Variants in CEP57L1 observed in about 807,000 individuals in gnomAD.
The protein encoded by CEP57L1 is centrosomal protein 57 like 1.
CEP57L1 carries 37 observed loss-of-function variants against 61.0 expected under a neutral mutation model. The observed-to-expected ratio is 0.61, with a 90% CI of 0.47 to 0.80. The LOEUF is 0.80. Among genes scored for constraint, CEP57L1 ranks in the 30% least tolerant of loss-of-function variants. The pLI is 0.00. For missense variants in CEP57L1, 422 were observed against 524.7 expected, an observed-to-expected ratio of 0.80 and a Z score of 1.91; for synonymous variants, 137 against 162.3, an observed-to-expected ratio of 0.84 and a Z score of 1.19.
At chr6:109,150,291 G>T (rs1415051700) in intron 4 of CEP57L1, 52 bp downstream of exon 4, 2 of 1,561,242 alleles carry the variant, frequency 1.3e-6, no homozygotes, top group Admixed American at 1.8e-5. Flanking sequence ...TGTTTTTGAA[G>T]AATATTTTAA....
chr6:109,120,689 A>G (rs1772848268), intron 1 of CEP57L1, among the ~76,000 whole-genome samples: 1 of 151,978 alleles, frequency 6.6e-6, no homozygotes, highest in African/African-American at 2.4e-5. Flanking sequence ...ATACTAACAT[A>G]TCATCCCAAG....
At chr6:109,127,826 C>T (rs1175049116) in intron 1 of CEP57L1, among the ~76,000 whole-genome samples, 3 of 151,498 alleles carry the variant, frequency 2.0e-5, no homozygotes, top group African/African-American at 7.3e-5. Flanking sequence ...GACGAGGTTT[C>T]ACCATGTTGG....
chr6:109,099,967 G>T lies in CEP57L1; in HGVS notation c.-4+4392G>T, dbSNP rs76372323. On this transcript the variant is annotated intron_variant, in intron 1 of 10. Transcript: ENST00000517392. ...TTAACTCCTCTTCTTGCAGGTCTTTGCTCAAATAATCATTTTCTCAGAGGT... is the reference window on the plus strand; with the variant it reads ...TTAACTCCTCTTCTTGCAGGTCTTTTCTCAAATAATCATTTTCTCAGAGGT... Among the ~76,000 whole-genome samples, 1,261 of 152,276 alleles carry T rather than the reference G, an allele frequency of 8.3e-3. 24 individuals carry two copies. Among genetic ancestry groups the T allele is most frequent in the African/African-American group, 0.029 (1,213 of 41,556 alleles).
In CEP57L1 at chr6:109,163,227, A is replaced by G. The variant is rs2114972597; in HGVS notation, c.*257A>G. 1 of 314,164 alleles carries G rather than the reference A, an allele frequency of 3.2e-6. No individual in the cohort carries two copies. The highest frequency in any genetic ancestry group is 6.7e-5 in the East Asian group (1 of 14,988). The allele number at this position is 314,164 out of a possible 1,614,324, so 19.5% of individuals were successfully genotyped here. Reference sequence around the variant, plus strand: ...CTTAGAAACATTGTTGGCTTTGCAGATATCTTAAGCTAAATTTAAGAAATT... The same window carrying G: ...CTTAGAAACATTGTTGGCTTTGCAGGTATCTTAAGCTAAATTTAAGAAATT... On this transcript the variant is annotated 3_prime_UTR_variant, in exon 11 of 11. Coordinates refer to ENST00000517392, the MANE Select transcript of CEP57L1 (RefSeq NM_001271852.3).
intron 1 of CEP57L1, among the ~76,000 whole-genome samples, chr6:109,113,056 G>A (rs1010470771): frequency 6.6e-6 from 1 of 152,094 alleles, no homozygotes; most frequent in Admixed American, 6.6e-5. Flanking sequence ...TTCAAGTCCT[G>A]AATATCCTTG....
Position 109,152,880 on chromosome 6 carries a change from G to A in CEP57L1, c.463-953G>A, listed in dbSNP as rs192095765. 4.5e-4 allele frequency among the ~76,000 whole-genome samples: 68 copies of A among 152,040 alleles called. No individual in the cohort carries two copies. The Middle Eastern group carries it at 0.01, about 23-fold the overall frequency. Reference sequence around the variant, plus strand: ...TCCCAGCACTTTGGGAGGCCAAGGCGGGCAGATGACTTGAGGTCAGGAGTT... The same window carrying A: ...TCCCAGCACTTTGGGAGGCCAAGGCAGGCAGATGACTTGAGGTCAGGAGTT... On this transcript the variant is annotated intron_variant, in intron 4 of 10. Transcript: ENST00000517392.
intron 1 of CEP57L1, among the ~76,000 whole-genome samples, chr6:109,141,761 A>G (rs2114838921): frequency 6.6e-6 from 1 of 152,224 alleles, no homozygotes; most frequent in Middle Eastern, 3.4e-3. Context: ...ACTATACATT[A>G]AAAAATAAAA....
intron 1 of CEP57L1, among the ~76,000 whole-genome samples, chr6:109,111,925 C>A (rs1771681903): frequency 6.6e-6 from 1 of 152,178 alleles, no homozygotes; most frequent in Admixed American, 6.5e-5. Flanking sequence ...ATTCAGCTTG[C>A]CAGCATTTTA....
rs1051860212 is a variant in CEP57L1, at chr6:109,163,633, A to G, written c.*663A>G. 1.3e-5 allele frequency: 2 copies of G among 152,102 alleles called. No individual in the cohort carries two copies. The highest frequency in any genetic ancestry group is 2.9e-5 in the Non-Finnish European group (2 of 68,004). The allele number at this position is 152,102 out of a possible 1,614,324, so 9.4% of individuals were successfully genotyped here. A position where few individuals can be genotyped will look rare whatever the true frequency, so the allele number is the denominator to read the frequency against. On this transcript the variant is annotated 3_prime_UTR_variant, in exon 11 of 11. Coordinates refer to ENST00000517392, the MANE Select transcript of CEP57L1 (RefSeq NM_001271852.3). Reference sequence around the variant, plus strand: ...AAAAATCAATGATCAATTTTATCTTACTACTTTATAACTTTTGCTGACTTT... The same window carrying G: ...AAAAATCAATGATCAATTTTATCTTGCTACTTTATAACTTTTGCTGACTTT...
chr6:109,143,594 A>G (rs1359108683), intron 1 of CEP57L1, among the ~76,000 whole-genome samples: 1 of 152,086 alleles, frequency 6.6e-6, no homozygotes, highest in Non-Finnish European at 1.5e-5. Flanking sequence ...TAATTTAAAT[A>G]AACTGTAGTC....
At chr6:109,152,647 G>A (rs1414132488) in intron 4 of CEP57L1, among the ~76,000 whole-genome samples, 5 of 70,882 alleles carry the variant, frequency 7.1e-5, no homozygotes, top group African/African-American at 2.3e-4. Context: ...GTGTGTGTGT[G>A]TGTGTGTGTG....
At position 109,153,108 on chromosome 6, in the gene CEP57L1, C is replaced by CA. The variant is rs1172045072; in HGVS notation, c.463-713dup. ...CCTGGGCAACAGCAAGACTCTGTCT[C>CA]AAAAAAAAAAAAGAAAAGAAAAGAA... is the stretch of plus-strand genomic sequence containing the variant. On this transcript the variant is annotated intron_variant, in intron 4 of 10. Coordinates refer to ENST00000517392, the MANE Select transcript of CEP57L1 (RefSeq NM_001271852.3). 8.9e-3 allele frequency among the ~76,000 whole-genome samples: 814 copies of CA among 91,262 alleles called. 10 individuals carry two copies. Among genetic ancestry groups the CA allele is most frequent in the African/African-American group, 0.022 (494 of 22,412 alleles). The allele number at this position is 91,262 out of a possible 152,430, so 59.9% of individuals were successfully genotyped here.
At chr6:109,112,209 T>C (rs1437683470) in intron 1 of CEP57L1, among the ~76,000 whole-genome samples, 1 of 152,222 alleles carries the variant, frequency 6.6e-6, no homozygotes, top group Non-Finnish European at 1.5e-5. Context: ...GAACCTGTTA[T>C]TGGTCTATTC....
rs139080004 is a variant in CEP57L1 at position 109,127,198 on chromosome 6, C to G, written c.-3-18021C>G. 2.1e-3 allele frequency among the ~76,000 whole-genome samples: 313 copies of G among 152,148 alleles called. 3 individuals are homozygous for G. The highest frequency in any genetic ancestry group is 7.1e-3 in the African/African-American group (294 of 41,550). ...CAAAACAAAAAAAACCAAAAACTGGCTGTTCTACTCATGTAATAATGTATT... is the reference window on the plus strand; with the variant it reads ...CAAAACAAAAAAAACCAAAAACTGGGTGTTCTACTCATGTAATAATGTATT... On this transcript the variant is annotated intron_variant, in intron 1 of 10. Transcript: ENST00000517392.
At chr6:109,111,497 A>G (rs1167547738) in intron 1 of CEP57L1, among the ~76,000 whole-genome samples, 1 of 152,114 alleles carries the variant, frequency 6.6e-6, no homozygotes, top group Non-Finnish European at 1.5e-5. Context: ...CTCTTTTCCT[A>G]CTTGAATACC....
At chr6:109,125,559 CTT>C (rs1773465906) in intron 1 of CEP57L1, among the ~76,000 whole-genome samples, 1 of 145,144 alleles carries the variant, frequency 6.9e-6, no homozygotes, top group Non-Finnish European at 1.5e-5. Context: ...CTCTGTCTGT[CTT>C]TACTAAGTTT....
chr6:109,153,452 C>T (rs1194990362), intron 4 of CEP57L1, among the ~76,000 whole-genome samples: 1 of 151,504 alleles, frequency 6.6e-6, no homozygotes, highest in Non-Finnish European at 1.5e-5. Context: ...CGTTATGTTG[C>T]CCAGGCTGGC....
At chr6:109,101,757 T>C (rs1399745974) in intron 1 of CEP57L1, among the ~76,000 whole-genome samples, 1 of 151,980 alleles carries the variant, frequency 6.6e-6, no homozygotes, top group African/African-American at 2.4e-5. Context: ...GTAGCTGGGA[T>C]TACAGGCGCC....
chr6:109,107,375 CT>C (rs1771070644), intron 1 of CEP57L1, among the ~76,000 whole-genome samples: 1 of 149,486 alleles, frequency 6.7e-6, no homozygotes, highest in Admixed American at 6.6e-5. Context: ...AGAGTTTTCT[CT>C]TTCATATTAA....
Sources: gnomAD v4.1 joint callset for allele counts (sites outside exome capture counted in the v4.1 genomes callset) on GRCh38, gnomAD v4.1.1 for gene constraint, MANE v1.5 for transcripts, NCBI Gene and HGNC (gene_info 2026-07-23, HGNC 2026-07-21) for gene names.